Variants in HECW1 observed in about 807,000 individuals in gnomAD.
HECW1 encodes HECT, C2 and WW domain containing E3 ubiquitin protein ligase 1, also known as E3 ubiquitin-protein ligase HECW1.
Under a neutral mutation model 182.3 loss-of-function variants are expected in HECW1, and 61 were observed. The ratio of observed to expected loss-of-function variants is 0.33; its 90% confidence interval spans 0.27 to 0.41. The LOEUF is 0.41. Among genes scored for constraint, HECW1 ranks in the 10% least tolerant of loss-of-function variants. The probability of loss-of-function intolerance (pLI) is 1.00; values close to 1 mark genes in which losing one functional copy is unlikely to be tolerated. For missense variants in HECW1, 1,739 were observed against 2,108.9 expected (o/e 0.82, Z 3.44); for synonymous variants, 859 against 832.6 (o/e 1.03, Z -0.55).
chr7:43,350,658 G>A (rs1210343964), intron 5 of HECW1, among the ~76,000 whole-genome samples: 1 of 152,176 alleles, frequency 6.6e-6, no homozygotes, highest in African/African-American at 2.4e-5. Context: ...TTCTATTGCT[G>A]TGACTTTCCA....
intron 7 of HECW1, among the ~76,000 whole-genome samples, chr7:43,401,876 C>T (rs1228412397): frequency 6.6e-6 from 1 of 151,730 alleles, no homozygotes; most frequent in Non-Finnish European, 1.5e-5. Flanking sequence ...ATCTTGTACC[C>T]ATATAAGCCC....
intron 6 of HECW1, among the ~76,000 whole-genome samples, chr7:43,386,613 T>C (rs1404427785): frequency 6.6e-6 from 1 of 152,212 alleles, no homozygotes; most frequent in Non-Finnish European, 1.5e-5. Flanking sequence ...CCCCCCTGCA[T>C]GTTTCTGCTG....
chr7:43,214,528 A>G (rs893975636), intron 2 of HECW1, among the ~76,000 whole-genome samples: 1 of 152,180 alleles, frequency 6.6e-6, no homozygotes, highest in Non-Finnish European at 1.5e-5. Context: ...TTTAATTTAG[A>G]TGGCAACGCT....
chr7:43,498,807 T>C (rs953221328), intron 19 of HECW1, among the ~76,000 whole-genome samples: 1 of 152,056 alleles, frequency 6.6e-6, no homozygotes, highest in Non-Finnish European at 1.5e-5. Context: ...TCTATCTTTG[T>C]AGAGGCTCAA....
At chr7:43,561,743 A>C in intron 29 of HECW1, 72 bp from the exon 30 acceptor site, 1 of 1,029,840 alleles carries the variant, frequency 9.7e-7, no homozygotes, top group Non-Finnish European at 1.5e-6. Context: ...TCACAACTTC[A>C]GACAGTCACA....
intron 11 of HECW1, 119 bp from the exon 12 acceptor site, chr7:43,450,709 A>G (rs760245462): frequency 2.4e-5 from 16 of 670,822 alleles, no homozygotes; most frequent in Non-Finnish European, 4.0e-5. Flanking sequence ...CACACACACA[A>G]ATGGATTTCC....
chr7:43,330,014 A>G (rs1043241901), intron 5 of HECW1, among the ~76,000 whole-genome samples: 1 of 152,222 alleles, frequency 6.6e-6, no homozygotes, highest in Non-Finnish European at 1.5e-5. Flanking sequence ...ACGGAATTCC[A>G]TCGAGGAGCA....
intron 17 of HECW1, among the ~76,000 whole-genome samples, chr7:43,488,434 G>GAGAAAGAAGAAAGAAAGAAAGAA: frequency 1.1e-5 from 1 of 93,138 alleles, no homozygotes; most frequent in East Asian, 3.0e-4. Flanking sequence ...AAGAAAGAAA[G>GAGAAAGAAGAAAGAAAGAAAGAA]AGAAAGAAAG....
intron 2 of HECW1, among the ~76,000 whole-genome samples, 166 bp downstream of exon 2, chr7:43,114,557 C>T (rs1448922910): frequency 7.2e-5 from 11 of 152,184 alleles, no homozygotes; most frequent in Admixed American, 5.2e-4. Context: ...CTGTTCCCTC[C>T]GCTTGCTGCT....
intron 2 of HECW1, among the ~76,000 whole-genome samples, chr7:43,125,798 G>T (rs980819595): frequency 7.3e-6 from 1 of 136,632 alleles, no homozygotes; most frequent in African/African-American, 2.7e-5. Flanking sequence ...GCATTAATAC[G>T]AAAGTTGCCA....
At chr7:43,336,124 TTC>T (rs1233029672) in intron 5 of HECW1, among the ~76,000 whole-genome samples, 17 of 64,286 alleles carry the variant, frequency 2.6e-4, no homozygotes, top group South Asian at 6.0e-4. Context: ...CTTTCTTTCT[TTC>T]TCTCTCTCTC....
At chr7:43,521,258 G>A (rs2080460394) in intron 24 of HECW1, among the ~76,000 whole-genome samples, 1 of 152,142 alleles carries the variant, frequency 6.6e-6, no homozygotes, top group Non-Finnish European at 1.5e-5. Context: ...CCTTATAAAA[G>A]GCCTTGAGAG....
rs60086194 is a variant in HECW1, at chr7:43,432,241, G to A, written c.802-5762G>A. Among the ~76,000 whole-genome samples, 245 of 150,648 alleles carry A rather than the reference G, an allele frequency of 1.6e-3. 3 individuals carry two copies. The East Asian group carries it at 0.03, about 19-fold the overall frequency. On this transcript the variant is annotated intron_variant, in intron 8 of 29. Transcript: ENST00000395891. The surrounding 1 kb of genome is among the most constrained non-coding windows in gnomAD (Gnocchi z 4.1). Reference sequence around the variant, plus strand: ...TGCAAGCTCCGCCTCCCGGGTTCACGCCATTCTCCTGCCTCAGCCTCCCAA... The same window carrying A: ...TGCAAGCTCCGCCTCCCGGGTTCACACCATTCTCCTGCCTCAGCCTCCCAA...
At chr7:43,366,238 A>G (rs1816642154) in intron 6 of HECW1, among the ~76,000 whole-genome samples, 1 of 152,212 alleles carries the variant, frequency 6.6e-6, no homozygotes, top group Non-Finnish European at 1.5e-5. Context: ...GCAACTCAAT[A>G]GGACATTTCC....
At chr7:43,388,463 T>C (rs1401548412) in intron 6 of HECW1, among the ~76,000 whole-genome samples, 1 of 152,234 alleles carries the variant, frequency 6.6e-6, no homozygotes, top group Non-Finnish European at 1.5e-5. Flanking sequence ...AAAAACTTCC[T>C]AATTTTAATT....
intron 20 of HECW1, 30 bp from the exon 21 acceptor site, chr7:43,501,183 C>CTTTTTTTTTTTTTTTTCTTTT: frequency 1.3e-6 from 1 of 744,856 alleles, no homozygotes; most frequent in South Asian, 1.8e-5. Flanking sequence ...TCTTTTCTTT[C>CTTTTTTTTTTTTTTTTCTTTT]TTTTTTTTTT....
chr7:43,556,563 C>T (rs368901640), intron 29 of HECW1, among the ~76,000 whole-genome samples: 5 of 152,096 alleles, frequency 3.3e-5, no homozygotes, highest in African/African-American at 9.6e-5. Context: ...TGGCATGCAC[C>T]GGTAGTCCCA....
rs368446459 is a variant in HECW1 at position 43,540,422 on chromosome 7, A to G, written c.4020-741A>G. Reference sequence around the variant, plus strand: ...CAAGAAGCTGGTTTAGGAGCAGGCAACAATGGAACCAAGCCCAGGTAGCCT... The same window carrying G: ...CAAGAAGCTGGTTTAGGAGCAGGCAGCAATGGAACCAAGCCCAGGTAGCCT... On this transcript the variant is annotated intron_variant, in intron 24 of 29. Transcript: ENST00000395891. Among the ~76,000 whole-genome samples, 13 of 152,362 alleles carry G rather than the reference A, an allele frequency of 8.5e-5. No individual in the cohort carries two copies. In the South Asian group the frequency reaches 2.3e-3, roughly 27 times the overall value.
intron 3 of HECW1, among the ~76,000 whole-genome samples, chr7:43,299,570 T>C (rs550823837): frequency 6.6e-6 from 1 of 152,368 alleles, no homozygotes; most frequent in East Asian, 1.9e-4. Context: ...GCCTCAATTG[T>C]TGTCCCTTCC....
Sources: gnomAD v4.1 joint callset for allele counts (sites outside exome capture counted in the v4.1 genomes callset) on GRCh38, gnomAD v4.1.1 for gene constraint, Gnocchi (gnomAD v3.1) non-coding constraint, MANE v1.5 for transcripts, NCBI Gene and HGNC (gene_info 2026-07-23, HGNC 2026-07-21) for gene names.